PTPRT: variants seen among roughly 807,000 people sequenced by gnomAD.
PTPRT encodes protein tyrosine phosphatase receptor type T, also known as receptor-type tyrosine-protein phosphatase T.
In PTPRT, 56 loss-of-function variants were observed where a neutral mutation model predicts 176.8. The ratio of observed to expected loss-of-function variants is 0.32; its 90% CI spans 0.26 to 0.40. The LOEUF (loss-of-function observed/expected upper bound fraction) is 0.40. Among genes scored for constraint, PTPRT ranks in the 10% least tolerant of loss-of-function variants. The probability of loss-of-function intolerance (pLI) is 1.00; values close to 1 mark genes in which losing one functional copy is unlikely to be tolerated. For missense variants in PTPRT, 1,540 were observed against 1,908.2 expected, an observed-to-expected ratio of 0.81 and a Z score of 3.60; for synonymous variants, 783 against 739.0, an observed-to-expected ratio of 1.06 and a Z score of -0.96.
intron 1 of PTPRT, among the ~76,000 whole-genome samples, chr20:42,979,918 A>C (rs1223547331): frequency 1.1e-4 from 2 of 18,860 alleles, no homozygotes; most frequent in African/African-American, 5.6e-4. Context: ...GCACACAGGC[A>C]TGCCTGGAGG....
intron 1 of PTPRT, among the ~76,000 whole-genome samples, chr20:43,075,542 T>C (rs2011253547): frequency 6.6e-6 from 1 of 152,240 alleles, no homozygotes; most frequent in South Asian, 2.1e-4. Flanking sequence ...CCTGCACATA[T>C]GGGCCCCAGC....
chr20:43,078,232 C>T lies in PTPRT; in HGVS notation c.88+111414G>A, dbSNP rs1237050906. 2.0e-5 allele frequency among the ~76,000 whole-genome samples: 3 copies of T among 152,146 alleles called. No homozygotes were observed. The East Asian group carries it at 5.8e-4, about 29-fold the overall frequency. On this transcript the variant is annotated intron_variant, in intron 1 of 30. Transcript: ENST00000373187. ...TAGCCTTCTTAACAGTTAGATTTGT[C>T]ATTATAAATTAGTAAGTTCAGCATC... is the stretch of plus-strand genomic sequence containing the variant.
Position 42,580,369 on chromosome 20 carries a change from A to AT in PTPRT, c.1153+97496dup, listed in dbSNP as rs542768875. 7.6e-3 allele frequency among the ~76,000 whole-genome samples: 1,150 copies of AT among 152,028 alleles called. 15 individuals are homozygous for AT. Among genetic ancestry groups the AT allele is most frequent in the African/African-American group, 0.027 (1,114 of 41,436 alleles). On this transcript the variant is annotated intron_variant, in intron 7 of 30. Coordinates refer to ENST00000373187, the MANE Select transcript of PTPRT (RefSeq NM_007050.6). ...TCCAGCTTTGTTCTTTTGGCTTAGG[A>AT]TTGACTTGGTGATGCGGGCTCTTTT...
Position 42,951,147 on chromosome 20 carries a change from T to A in PTPRT, c.89-65215A>T, listed in dbSNP as rs568696816. Among the ~76,000 whole-genome samples the A allele has an allele frequency of 1.1e-4, 17 of 151,662 alleles. No homozygotes were observed. In the South Asian group the frequency reaches 3.5e-3, roughly 32 times the overall value. On this transcript the variant is annotated intron_variant, in intron 1 of 30. Transcript: ENST00000373187. ...GGAGGGATGCATGGATGGGTATTAA[T>A]CGTGGATGTGTGGATATATGATAGA...
intron 1 of PTPRT, among the ~76,000 whole-genome samples, chr20:43,150,208 T>C (rs1266444529): frequency 6.6e-6 from 1 of 152,178 alleles, no homozygotes. Context: ...GTTTGCTCCC[T>C]AGGTAGCCAC....
At chr20:42,619,114 G>A (rs1234642214) in intron 7 of PTPRT, among the ~76,000 whole-genome samples, 1 of 150,028 alleles carries the variant, frequency 6.7e-6, no homozygotes, top group African/African-American at 2.5e-5. Context: ...CTTCCTTCAG[G>A]AGCTCTTTTA....
intron 9 of PTPRT, among the ~76,000 whole-genome samples, chr20:42,367,854 G>C (rs1600902835): frequency 2.0e-5 from 3 of 152,216 alleles, no homozygotes; most frequent in African/African-American, 7.2e-5. Flanking sequence ...TCTAGCCTGG[G>C]TGGCATGGGG....
chr20:43,005,900 A>G (rs1984833279), intron 1 of PTPRT, among the ~76,000 whole-genome samples: 1 of 152,232 alleles, frequency 6.6e-6, no homozygotes, highest in African/African-American at 2.4e-5. Flanking sequence ...TTCTAACAGC[A>G]AAAACCAGAC....
intron 13 of PTPRT, 76 bp from the exon 14 acceptor site, chr20:42,248,898 A>G (rs1021451976): frequency 1.3e-6 from 2 of 1,542,200 alleles, no homozygotes; most frequent in African/African-American, 2.7e-5. Context: ...TAATGACAAC[A>G]GCTTCCTTTA....
intron 9 of PTPRT, among the ~76,000 whole-genome samples, chr20:42,419,837 C>G (rs1439737564): frequency 6.6e-6 from 1 of 152,162 alleles, no homozygotes; most frequent in Admixed American, 6.5e-5. Flanking sequence ...ACCAATATGA[C>G]TGGTGTCCTT....
At chr20:42,893,657 T>G (rs573498650) in intron 1 of PTPRT, among the ~76,000 whole-genome samples, 1 of 151,964 alleles carries the variant, frequency 6.6e-6, no homozygotes, top group African/African-American at 2.4e-5. Flanking sequence ...GTGGCACATA[T>G]ACACCATGGA....
At chr20:42,219,826 G>C (rs2055844959) in intron 15 of PTPRT, among the ~76,000 whole-genome samples, 2 of 152,098 alleles carry the variant, frequency 1.3e-5, no homozygotes, top group South Asian at 4.1e-4. Flanking sequence ...TCTAAGTCCT[G>C]TAACTACCAT....
chr20:42,314,991 T>C (rs2145370740), intron 12 of PTPRT, among the ~76,000 whole-genome samples: 1 of 152,296 alleles, frequency 6.6e-6, no homozygotes, highest in East Asian at 1.9e-4. Context: ...TTTGAGATTG[T>C]TGAATGACCT....
intron 2 of PTPRT, among the ~76,000 whole-genome samples, chr20:42,818,211 C>T (rs2077824394): frequency 6.6e-6 from 1 of 152,084 alleles, no homozygotes; most frequent in African/African-American, 2.4e-5. Flanking sequence ...GTGACATCTC[C>T]AGGCACAGGA....
At chr20:42,666,442 C>T (rs1386182330) in intron 7 of PTPRT, among the ~76,000 whole-genome samples, 1 of 152,108 alleles carries the variant, frequency 6.6e-6, no homozygotes, top group African/African-American at 2.4e-5. Flanking sequence ...ATAGTTTTTA[C>T]AAATGTTGAC....
chr20:42,676,577 G>A (rs189863252), intron 7 of PTPRT, among the ~76,000 whole-genome samples: 2 of 151,628 alleles, frequency 1.3e-5, no homozygotes, highest in East Asian at 3.9e-4. Flanking sequence ...TATTCATCAT[G>A]ATGTGGCCAA....
chr20:42,819,404 C>T (rs1193239752), intron 2 of PTPRT, among the ~76,000 whole-genome samples: 2 of 152,168 alleles, frequency 1.3e-5, no homozygotes, highest in Non-Finnish European at 2.9e-5. Context: ...GAAAGAAGCA[C>T]TGAATGTGGA....
intron 13 of PTPRT, among the ~76,000 whole-genome samples, chr20:42,280,596 A>G (rs1484824680): frequency 1.3e-5 from 2 of 151,962 alleles, no homozygotes; most frequent in East Asian, 3.9e-4. Flanking sequence ...CTGCATACAC[A>G]CTCCATTCAC....
chr20:42,089,445 A>G (rs1984377301), intron 27 of PTPRT, among the ~76,000 whole-genome samples: 1 of 152,154 alleles, frequency 6.6e-6, no homozygotes. Flanking sequence ...TATTATCCCC[A>G]ATATCTTCAG....
Sources: gnomAD v4.1 joint callset for allele counts (sites outside exome capture counted in the v4.1 genomes callset) on GRCh38, gnomAD v4.1.1 for gene constraint, MANE v1.5 for transcripts, NCBI Gene and HGNC (gene_info 2026-07-23, HGNC 2026-07-21) for gene names.